The following LEKR1 variants were observed in gnomAD, a reference collection of about 807,000 sequenced individuals.
LEKR1 encodes leucine, glutamate and lysine rich 1.
Under a neutral mutation model 72.4 loss-of-function variants are expected in LEKR1, and 59 were observed. That is an observed-to-expected ratio of 0.82 (90% CI 0.66 to 1.01). The LOEUF (loss-of-function observed/expected upper bound fraction) is 1.01. LEKR1 is among the 50% of genes least tolerant of loss of function. The pLI is 0.00. For synonymous variants in LEKR1, 257 were observed against 263.2 expected (o/e 0.98, Z 0.23); for missense variants, 728 against 759.2 (o/e 0.96, Z 0.48).
chr3:156,883,088 C>T (rs1479131878), intron 3 of LEKR1, among the ~76,000 whole-genome samples: 1 of 151,846 alleles, frequency 6.6e-6, no homozygotes, highest in Non-Finnish European at 1.5e-5. Context: ...ACCAGCATGG[C>T]ACATGTATAC....
chr3:156,886,220 C>T (rs947639254), intron 3 of LEKR1, among the ~76,000 whole-genome samples: 3 of 151,966 alleles, frequency 2.0e-5, no homozygotes, highest in Admixed American at 1.3e-4. Flanking sequence ...ATATAGTTTG[C>T]CAGGGAAGTG....
At chr3:156,906,443 A>T (rs1490318339) in intron 3 of LEKR1, among the ~76,000 whole-genome samples, 1 of 152,192 alleles carries the variant, frequency 6.6e-6, no homozygotes, top group Non-Finnish European at 1.5e-5. Context: ...GACTCTCTCC[A>T]CTAGAACATG....
chr3:156,853,835 T>G (rs1045621898), intron 3 of LEKR1, among the ~76,000 whole-genome samples: 1 of 152,132 alleles, frequency 6.6e-6, no homozygotes, highest in African/African-American at 2.4e-5. Flanking sequence ...TTTTATGATA[T>G]TTTCATGGAA....
chr3:156,863,577 A>G (rs1716997768), intron 3 of LEKR1, among the ~76,000 whole-genome samples: 2 of 152,120 alleles, frequency 1.3e-5, no homozygotes, highest in Non-Finnish European at 2.9e-5. Context: ...CATATTTATA[A>G]CTGGGAACAG....
chr3:156,972,557 G>T (rs1017716219), intron 6 of LEKR1, among the ~76,000 whole-genome samples: 2 of 151,728 alleles, frequency 1.3e-5, no homozygotes, highest in African/African-American at 4.8e-5. Flanking sequence ...TTATTAATTT[G>T]TTATTTAAAA....
intron 12 of LEKR1, among the ~76,000 whole-genome samples, chr3:157,039,227 A>G (rs1290961755): frequency 6.6e-6 from 1 of 152,220 alleles, no homozygotes; most frequent in Non-Finnish European, 1.5e-5. Context: ...TTTTAAAAAC[A>G]TTGGCATCAT....
chr3:157,032,838 T>C (rs1734713963), intron 12 of LEKR1, among the ~76,000 whole-genome samples: 1 of 152,176 alleles, frequency 6.6e-6, no homozygotes, highest in Non-Finnish European at 1.5e-5. Flanking sequence ...AATTGAAGGT[T>C]TGTGGCAACC....
At chr3:156,952,002 C>A (rs1468052899) in intron 6 of LEKR1, among the ~76,000 whole-genome samples, 1 of 151,436 alleles carries the variant, frequency 6.6e-6, no homozygotes, top group Non-Finnish European at 1.5e-5. Context: ...AATTTTTCAT[C>A]TTTGAGTGTA....
intron 4 of LEKR1, among the ~76,000 whole-genome samples, chr3:156,921,903 CAT>C (rs1232433971): frequency 7.9e-5 from 12 of 152,212 alleles, no homozygotes; most frequent in Admixed American, 5.2e-4. Flanking sequence ...TTTGAAGAAA[CAT>C]AGACATACAA....
At chr3:157,025,497 G>A (rs1734122199) in intron 11 of LEKR1, among the ~76,000 whole-genome samples, 1 of 152,016 alleles carries the variant, frequency 6.6e-6, no homozygotes, top group African/African-American at 2.4e-5. Flanking sequence ...AAGACCTAGT[G>A]GGGAAATAAC....
chr3:157,043,734 A>T (rs1452599475), intron 12 of LEKR1, among the ~76,000 whole-genome samples: 1 of 152,156 alleles, frequency 6.6e-6, no homozygotes, highest in Admixed American at 6.5e-5. Flanking sequence ...CTTTTCCACA[A>T]CTGTTTCCAC....
chr3:156,939,538 G>A (rs2108580159), intron 5 of LEKR1, among the ~76,000 whole-genome samples: 1 of 152,318 alleles, frequency 6.6e-6, no homozygotes, highest in African/African-American at 2.4e-5. Context: ...AGATTTGCAT[G>A]TTAAAATTAA....
chr3:156,977,750 T>C (rs1334265882), intron 6 of LEKR1: 2 of 238,258 alleles, frequency 8.4e-6, no homozygotes, highest in African/African-American at 2.3e-5. Context: ...CAAATCTTTT[T>C]GGTGCCTGGA....
chr3:156,934,434 A>G (rs561288772), intron 5 of LEKR1, among the ~76,000 whole-genome samples: 1 of 152,192 alleles, frequency 6.6e-6, no homozygotes, highest in East Asian at 1.9e-4. Context: ...ACGCTTACAT[A>G]TTCTGTAATC....
chr3:156,945,784 T>G (rs1267880814), intron 6 of LEKR1, among the ~76,000 whole-genome samples: 1 of 151,636 alleles, frequency 6.6e-6, no homozygotes, highest in African/African-American at 2.4e-5. Flanking sequence ...GTTTGTATGT[T>G]TTCTGTTCTG....
intron 2 of LEKR1, among the ~76,000 whole-genome samples, chr3:156,836,941 A>T (rs1407370617): frequency 6.6e-6 from 1 of 152,228 alleles, no homozygotes; most frequent in Non-Finnish European, 1.5e-5. Flanking sequence ...TCTTCCAGGA[A>T]GGAGTCTGGG....
At chr3:156,898,514 C>T (rs769840812) in intron 3 of LEKR1, among the ~76,000 whole-genome samples, 2 of 152,256 alleles carry the variant, frequency 1.3e-5, no homozygotes, top group African/African-American at 2.4e-5. Flanking sequence ...CACCAGACAC[C>T]GGACCTGCCG....
At chr3:156,899,757 C>CAT (rs1171035122) in intron 3 of LEKR1, among the ~76,000 whole-genome samples, 21 of 128,852 alleles carry the variant, frequency 1.6e-4, no homozygotes, top group Non-Finnish European at 2.8e-4. Context: ...CATATATACA[C>CAT]ATATACATGC....
intron 4 of LEKR1, chr3:156,924,539 C>G: frequency 1.5e-6 from 1 of 670,760 alleles, no homozygotes; most frequent in South Asian, 1.6e-5. Context: ...CTAAGCCGGT[C>G]AGAAGGATTT....
Sources: gnomAD v4.1 joint callset for allele counts (sites outside exome capture counted in the v4.1 genomes callset) on GRCh38, gnomAD v4.1.1 for gene constraint, MANE v1.5 for transcripts, NCBI Gene and HGNC (gene_info 2026-07-23, HGNC 2026-07-21) for gene names.